MICAL3: variants seen among roughly 807,000 people sequenced by gnomAD.
The protein encoded by MICAL3 is microtubule associated monooxygenase, calponin and LIM domain containing 3.
In MICAL3, 62 loss-of-function variants were observed where a neutral mutation model predicts 207.4. That is an observed-to-expected ratio of 0.30 (90% CI 0.24 to 0.37). The LOEUF (loss-of-function observed/expected upper bound fraction) is 0.37. Among genes scored for constraint, MICAL3 ranks in the 10% least tolerant of loss-of-function variants. The pLI is 1.00. For missense variants in MICAL3, 2,368 were observed against 2,635.6 expected (o/e 0.90, Z 2.22); for synonymous variants, 1,077 against 1,069.3 (o/e 1.01, Z -0.14).
chr22:17,875,250 A>G (rs925648197), intron 16 of MICAL3: 75 of 360,656 alleles, frequency 2.1e-4, no homozygotes, highest in African/African-American at 1.5e-3. Flanking sequence ...GCCAGCAGCC[A>G]CTTTAGCTGA....
Position 17,872,022 on chromosome 22 carries a change from C to A in MICAL3, c.2243G>T (p.Gly748Val), listed in dbSNP as rs777870861. The A allele has an allele frequency of 6.2e-7, 1 of 1,600,290 alleles. No homozygotes were observed. The highest frequency in any genetic ancestry group is 1.1e-5 in the South Asian group (1 of 88,366). The change falls in exon 17 of 32, where the codon GGC becomes GTC. Residue 748 changes from glycine (G) to valine (V), a missense_variant and splice_region_variant. By Grantham distance (109) the Gly-to-Val change is moderately radical (BLOSUM62 -3). Around this residue, in one of 4 missense-constraint regions of MICAL3, gnomAD observed 1,770 missense variants for 1,863.2 expected, o/e 0.95. Transcript: ENST00000441493. Reference sequence around the variant, plus strand: ...CTGCGGGAACTCCTTCTTCATGGAGCCCTGCAGGAGGTGGCGGTCGGGAGG... The same window carrying A: ...CTGCGGGAACTCCTTCTTCATGGAGACCTGCAGGAGGTGGCGGTCGGGAGG... ...PAQSIGIRRQGSMKKEFPQNL... is the reference protein window; with the variant it reads ...PAQSIGIRRQVSMKKEFPQNL...
At position 17,896,950 on chromosome 22, in the gene MICAL3, C is replaced by CGGGAAAGCA; in HGVS notation, c.971_979dup (p.Leu324_Ser326dup). ...CAGAGCCTCCTGGTCCACGTTTTCT[C>CGGGAAAGCA]GGGAAAGCAGGAGCTCTGTGTCGGC... On this transcript the variant is annotated inframe_insertion, in exon 8 of 32. Coordinates refer to ENST00000441493, the MANE Select transcript of MICAL3 (RefSeq NM_015241.3). The CGGGAAAGCA allele has an allele frequency of 6.2e-7, 1 of 1,613,726 alleles. No individual in the cohort carries two copies. The highest frequency in any genetic ancestry group is 8.5e-7 in the Non-Finnish European group (1 of 1,179,796).
intron 1 of MICAL3, among the ~76,000 whole-genome samples, chr22:18,024,005 T>G (rs1003078721): frequency 6.6e-6 from 1 of 152,180 alleles, no homozygotes; most frequent in Admixed American, 6.5e-5. Flanking sequence ...AGCCCTGCTC[T>G]CTGGCAGGCT....
At chr22:17,936,239 T>C (rs13053204) in intron 1 of MICAL3, among the ~76,000 whole-genome samples, 28,733 of 152,190 alleles carry the variant, frequency 0.19, 2,866 homozygotes, top group Middle Eastern at 0.26. Context: ...CGGAATACTA[T>C]GCAGCCATAA....
At chr22:17,957,692 A>G (rs1051412811) in intron 1 of MICAL3, among the ~76,000 whole-genome samples, 1 of 149,532 alleles carries the variant, frequency 6.7e-6, no homozygotes. Context: ...CCTGGGCGAC[A>G]AGAGTGAAAC....
At chr22:17,966,568 G>C (rs1935152998) in intron 1 of MICAL3, among the ~76,000 whole-genome samples, 1 of 152,142 alleles carries the variant, frequency 6.6e-6, no homozygotes. Flanking sequence ...GGTAGCAGAG[G>C]GCTTCAGAGC....
At position 17,896,039 on chromosome 22, in the gene MICAL3, TAAGAG is replaced by T. The variant is rs1165762618; in HGVS notation, c.1322+202_1322+206del. On this transcript the variant is annotated intron_variant, in intron 9 of 31. Transcript: ENST00000441493. ...GTAAGAAATTTATCTTGGAAAGGAG[TAAGAG>T]AAGACTTAGTCTAGGAGACTCATCT... Among the ~76,000 whole-genome samples, 5 of 152,306 alleles carry T rather than the reference TAAGAG, an allele frequency of 3.3e-5. No individual in the cohort carries two copies. In the South Asian group the frequency reaches 6.2e-4, roughly 19 times the overall value.
chr22:17,826,873 C>T (rs985072153), intron 22 of MICAL3, among the ~76,000 whole-genome samples: 3 of 137,588 alleles, frequency 2.2e-5, no homozygotes, highest in South Asian at 2.2e-4. Context: ...GAGGAACAAA[C>T]GTCTTATTAA....
chr22:17,992,856 C>T (rs1449346248), intron 1 of MICAL3, among the ~76,000 whole-genome samples: 3 of 152,130 alleles, frequency 2.0e-5, no homozygotes, highest in Admixed American at 6.5e-5. Flanking sequence ...GGCCCTTTAC[C>T]TCACTGGAAC....
rs1484352482 is a variant in MICAL3 at position 17,885,951 on chromosome 22, T to C, written c.2168A>G (p.Lys723Arg). 6.2e-7 allele frequency: 1 copy of C among 1,614,036 alleles called. No individual in the cohort carries two copies. Among genetic ancestry groups the C allele is most frequent in the Non-Finnish European group, 8.5e-7 (1 of 1,179,892 alleles). Residue 723 changes from lysine (K) to arginine (R), a missense_variant, in exon 16 of 32, where the codon AAG (lysine) becomes AGG (arginine). Physicochemically the swap from Lys to Arg is conservative, Grantham distance 26. Around this residue, in one of 4 missense-constraint regions of MICAL3, gnomAD observed 1,770 missense variants for 1,863.2 expected, o/e 0.95. Coordinates refer to ENST00000441493, the MANE Select transcript of MICAL3 (RefSeq NM_015241.3). ...DVAVGNQNKV[K>R]YMATQLLAKF... is the part of the protein sequence containing the mutation. ...GGCCAGCAGCTGGGTCGCCATGTAC[T>C]TCACTTTGTTCTGGTTCCCAACGGC...
chr22:17,822,944 T>C lies in MICAL3; in HGVS notation c.3307+3A>G. 1 of 1,596,682 alleles carries C rather than the reference T, an allele frequency of 6.3e-7. No individual in the cohort carries two copies. The highest frequency in any genetic ancestry group is 8.6e-7 in the Non-Finnish European group (1 of 1,164,638). On this transcript the variant is annotated splice_donor_region_variant and intron_variant, in intron 23 of 31. Coordinates refer to ENST00000441493, the MANE Select transcript of MICAL3 (RefSeq NM_015241.3). ...CACAGGGGCGGGGAGGGCGGACCCC[T>C]ACCATCATCCAGCTCAGCACCAGTG...
intron 1 of MICAL3, among the ~76,000 whole-genome samples, chr22:17,999,068 G>A (rs75231231): frequency 0.031 from 4,797 of 152,286 alleles, 112 homozygotes; most frequent in African/African-American, 0.067. Context: ...CAATGGTCAG[G>A]CTTCGACCAT....
chr22:17,868,017 A>G (rs1029513242), intron 17 of MICAL3, among the ~76,000 whole-genome samples: 1 of 152,204 alleles, frequency 6.6e-6, no homozygotes, highest in African/African-American at 2.4e-5. Context: ...AGAGGTTTAC[A>G]TTTCAGAAAC....
chr22:17,993,498 G>T (rs533453262), intron 1 of MICAL3, among the ~76,000 whole-genome samples: 1 of 152,206 alleles, frequency 6.6e-6, no homozygotes, highest in East Asian at 1.9e-4. Context: ...TAATGGATCT[G>T]CTTGGGTTCC....
Position 17,826,577 on chromosome 22 carries a change from G to A in MICAL3, c.3193+1067C>T, listed in dbSNP as rs536344374. 3 of 867,076 alleles carry A rather than the reference G, an allele frequency of 3.5e-6. No homozygotes were observed. The African/African-American group carries it at 5.6e-5, about 16-fold the overall frequency. 53.7% of individuals were successfully genotyped at this position (867,076 alleles called of 1,614,324 possible). On this transcript the variant is annotated intron_variant, in intron 22 of 31. Transcript: ENST00000441493. ...CAGCAATATGCGTTCCCAACGAGGAGAGCCAAGGTCATCCTTAAAATCCCA... is the reference window on the plus strand; with the variant it reads ...CAGCAATATGCGTTCCCAACGAGGAAAGCCAAGGTCATCCTTAAAATCCCA...
chr22:17,886,986 C>T (rs577081921), intron 15 of MICAL3, among the ~76,000 whole-genome samples, 184 bp downstream of exon 15: 220 of 20,382 alleles, frequency 0.011, 2 homozygotes, highest in African/African-American at 0.041. Context: ...AGACTCTTGT[C>T]TCAAAAAAAA....
intron 1 of MICAL3, among the ~76,000 whole-genome samples, chr22:17,969,016 A>G (rs762821680): frequency 2.0e-5 from 3 of 152,340 alleles, no homozygotes; most frequent in Middle Eastern, 3.4e-3. Flanking sequence ...TGACTTATTA[A>G]GAACATTCTT....
intron 1 of MICAL3, among the ~76,000 whole-genome samples, chr22:17,936,710 A>C (rs1933548580): frequency 6.6e-6 from 1 of 152,204 alleles, no homozygotes; most frequent in African/African-American, 2.4e-5. Context: ...TTTGCATGAA[A>C]ATTATACCTC....
Position 17,906,788 on chromosome 22 carries a change from T to C in MICAL3, c.25A>G (p.Met9Val), listed in dbSNP as rs747438397. The C allele has an allele frequency of 9.9e-6, 16 of 1,610,634 alleles. No homozygotes were observed. Among genetic ancestry groups the C allele is most frequent in the Non-Finnish European group, 1.3e-5 (15 of 1,177,830 alleles). Residue 9 changes from methionine (M) to valine (V), a missense_variant, in exon 2 of 32, where the codon ATG (methionine) becomes GTG (valine). By Grantham distance (21) the Met-to-Val change is conservative. This residue lies in a region of MICAL3 where 400 missense variants were observed against 547.0 expected (regional missense o/e 0.73). Coordinates refer to ENST00000441493, the MANE Select transcript of MICAL3 (RefSeq NM_015241.3). ...TCAAAGAGGACATGAGCTGGGTTCA[T>C]GGTCTCATGCTTCCTCTCCTCCATG... Reference protein sequence around the residue: MEERKHETMNPAHVLFDRF... With the variant: MEERKHETVNPAHVLFDRF...
Sources: gnomAD v4.1 joint callset for allele counts (sites outside exome capture counted in the v4.1 genomes callset) on GRCh38, gnomAD v4.1.1 for gene constraint, gnomAD v4.1.1 regional missense constraint, MANE v1.5 for transcripts, NCBI Gene and HGNC (gene_info 2026-07-23, HGNC 2026-07-21) for gene names.